Variants in LPA observed in about 807,000 individuals in gnomAD.
The protein encoded by LPA is lipoprotein(a).
In LPA, 199 loss-of-function variants were observed where a neutral mutation model predicts 197.9. That is an observed-to-expected ratio of 1.01 (90% CI 0.90 to 1.13). The LOEUF (loss-of-function observed/expected upper bound fraction) is 1.13. LPA is among the 50% of genes most tolerant of loss of function. The probability of loss-of-function intolerance (pLI) is 0.00; values close to 1 mark genes in which losing one functional copy is unlikely to be tolerated. For synonymous variants in LPA, 715 were observed against 639.5 expected (o/e 1.12, Z -1.78); for missense variants, 1,853 against 1,785.8 (o/e 1.04, Z -0.68).
In LPA at chr6:160,532,579, A is replaced by G. The variant is rs762221347; in HGVS notation, c.5913T>C (p.Tyr1971=). 13 of 1,613,596 alleles carry G rather than the reference A, an allele frequency of 8.1e-6. No homozygotes were observed. Among genetic ancestry groups the G allele is most frequent in the Non-Finnish European group, 1.1e-5 (13 of 1,179,520 alleles). ...CCAAATGCTCAGCACAAATATACTT[A>G]TAGTGATTGCACACTTCATTCTCAA... The part of the protein sequence containing the change: ...LVIENEVCNH[Y]KYICAEHLAR... The change falls in exon 38 of 39, where the codon TAT becomes TAC. Residue 1971 remains tyrosine (Y), a synonymous_variant. Transcript: ENST00000316300.
chr6:160,555,887 G>T (rs1778254512), intron 30 of LPA, 138 bp downstream of exon 30: 4 of 941,632 alleles, frequency 4.2e-6, no homozygotes, highest in South Asian at 4.1e-5. Context: ...TTGATCAAAA[G>T]CAAAGTTGTC....
At chr6:160,540,406 AC>A (rs1287792590) in intron 35 of LPA, among the ~76,000 whole-genome samples, 1 of 152,164 alleles carries the variant, frequency 6.6e-6, no homozygotes, top group African/African-American at 2.4e-5. Context: ...ATTTGTCCCC[AC>A]CTAAATCTCG....
At chr6:160,579,783 C>G (rs551056586) in intron 26 of LPA, among the ~76,000 whole-genome samples, 1 of 152,150 alleles carries the variant, frequency 6.6e-6, no homozygotes, top group Non-Finnish European at 1.5e-5. Context: ...AGTCTCAAGC[C>G]CAGATCCCCC....
intron 8 of LPA, among the ~76,000 whole-genome samples, chr6:160,632,109 A>AT (rs1463789867): frequency 7.8e-6 from 1 of 128,604 alleles, no homozygotes; most frequent in Non-Finnish European, 1.6e-5. Flanking sequence ...CCATACAGTA[A>AT]TTTTTTTCAA....
Position 160,542,850 on chromosome 6 carries a change from G to A in LPA, c.5399-42C>T, listed in dbSNP as rs576152676. ...GAAAAGAAGTCGCATTTGAGTCCAAGTTAGCAATTGTGTCGTTTAATTCAG... is the reference window on the plus strand; with the variant it reads ...GAAAAGAAGTCGCATTTGAGTCCAAATTAGCAATTGTGTCGTTTAATTCAG... On this transcript the variant is annotated intron_variant, in intron 33 of 38. Transcript: ENST00000316300. The A allele has an allele frequency of 6.2e-6, 10 of 1,612,890 alleles. No homozygotes were observed. In the South Asian group the frequency reaches 1.1e-4, roughly 18 times the overall value.
chr6:160,600,021 GA>G (rs1465317364), intron 19 of LPA, among the ~76,000 whole-genome samples: 3 of 152,214 alleles, frequency 2.0e-5, no homozygotes, highest in African/African-American at 4.8e-5. Flanking sequence ...TGGCAAAGCT[GA>G]AAAGCAAGTC....
intron 28 of LPA, among the ~76,000 whole-genome samples, chr6:160,570,072 T>C (rs1295989118): frequency 6.6e-6 from 1 of 152,206 alleles, no homozygotes; most frequent in Non-Finnish European, 1.5e-5. Context: ...TGGAAGACAG[T>C]GCGGTGATTC....
intron 28 of LPA, among the ~76,000 whole-genome samples, chr6:160,564,265 G>A (rs1367064172): frequency 6.6e-6 from 1 of 152,178 alleles, no homozygotes; most frequent in Admixed American, 6.5e-5. Flanking sequence ...GCCTGGTGTT[G>A]ACAAAATTCC....
At chr6:160,542,905 C>T in intron 33 of LPA, 97 bp from the exon 34 acceptor site, 1 of 1,523,662 alleles carries the variant, frequency 6.6e-7, no homozygotes, top group Non-Finnish European at 9.1e-7. Flanking sequence ...TTTTTCACAT[C>T]TCAAAGGTGA....
At chr6:160,646,613 A>T (rs1251933102) in intron 2 of LPA, among the ~76,000 whole-genome samples, 7 of 98,928 alleles carry the variant, frequency 7.1e-5, no homozygotes, top group Admixed American at 2.3e-4. Context: ...TTTTTTAAAT[A>T]AAAAATCTAA....
chr6:160,555,380 G>A (rs1455936677), intron 30 of LPA, among the ~76,000 whole-genome samples: 1 of 142,444 alleles, frequency 7.0e-6, no homozygotes, highest in African/African-American at 2.6e-5. Flanking sequence ...GCAGGCTATA[G>A]GGTATTTGGT....
chr6:160,577,027 T>C (rs2115030801), intron 28 of LPA, 109 bp downstream of exon 28: 1 of 1,400,424 alleles, frequency 7.1e-7, no homozygotes, highest in Non-Finnish European at 1.0e-6. Context: ...TTTGCCAAAA[T>C]GTGAGTCTAA....
At chr6:160,568,470 A>G (rs1173485487) in intron 28 of LPA, among the ~76,000 whole-genome samples, 1 of 152,248 alleles carries the variant, frequency 6.6e-6, no homozygotes, top group Non-Finnish European at 1.5e-5. Flanking sequence ...TAAACTATGT[A>G]TTGATGGGAC....
chr6:160,576,670 TTGTG>T (rs369546569), intron 28 of LPA, among the ~76,000 whole-genome samples: 4,793 of 103,888 alleles, frequency 0.046, 199 homozygotes, highest in African/African-American at 0.11. Flanking sequence ...ATTCAGATGT[TTGTG>T]TGTGTGTGTG....
chr6:160,663,113 T>C (rs999707011), intron 1 of LPA, among the ~76,000 whole-genome samples: 3 of 152,204 alleles, frequency 2.0e-5, no homozygotes, highest in African/African-American at 7.2e-5. Context: ...TTTCTGCTCC[T>C]AAAGTGAAGT....
At chr6:160,585,276 C>A (rs142226898) in intron 25 of LPA, 71 bp from the exon 26 acceptor site, 88 of 1,432,574 alleles carry the variant, frequency 6.1e-5, no homozygotes, top group Middle Eastern at 1.7e-4. Context: ...TTATGACACA[C>A]AAAGTGGAAT....
At chr6:160,574,755 G>A (rs1340755311) in intron 28 of LPA, among the ~76,000 whole-genome samples, 1 of 152,044 alleles carries the variant, frequency 6.6e-6, no homozygotes, top group Non-Finnish European at 1.5e-5. Flanking sequence ...CAGTATTTGG[G>A]GTGTCTCCCT....
At chr6:160,540,812 T>C (rs1777969751) in intron 35 of LPA, among the ~76,000 whole-genome samples, 1 of 152,224 alleles carries the variant, frequency 6.6e-6, no homozygotes, top group Non-Finnish European at 1.5e-5. Context: ...GATTGATGCC[T>C]CTGGTAGTGA....
chr6:160,647,043 C>G (rs1048494218), intron 2 of LPA, among the ~76,000 whole-genome samples: 13 of 152,200 alleles, frequency 8.5e-5, no homozygotes, highest in African/African-American at 2.2e-4. Context: ...CAAGACTTCT[C>G]AAAGCTGCCC....
Sources: gnomAD v4.1 joint callset for allele counts (sites outside exome capture counted in the v4.1 genomes callset) on GRCh38, gnomAD v4.1.1 for gene constraint, MANE v1.5 for transcripts, NCBI Gene and HGNC (gene_info 2026-07-23, HGNC 2026-07-21) for gene names.